Variants in ANO3 observed in about 807,000 individuals in gnomAD.
ANO3 encodes anoctamin 3, also known as anoctamin-3.
ANO3 carries 99 observed loss-of-function variants against 144.8 expected under a neutral mutation model. That is an observed-to-expected ratio of 0.68 (90% CI 0.58 to 0.81). The LOEUF (loss-of-function observed/expected upper bound fraction) is 0.81. ANO3 is among the 30% of genes least tolerant of loss of function. ANO3 has a pLI of 0.00. For synonymous variants in ANO3, 414 were observed against 392.6 expected, an observed-to-expected ratio of 1.05 and a Z score of -0.64; for missense variants, 905 against 1,202.2, an observed-to-expected ratio of 0.75 and a Z score of 3.66.
chr11:26,557,321 C>T (rs996771617), intron 13 of ANO3, among the ~76,000 whole-genome samples: 7 of 151,554 alleles, frequency 4.6e-5, no homozygotes, highest in African/African-American at 7.3e-5. Context: ...ATTAGCCGGG[C>T]GTGGTGGCGG....
intron 1 of ANO3, among the ~76,000 whole-genome samples, chr11:26,213,901 T>C (rs1851984446): frequency 6.6e-6 from 1 of 152,144 alleles, no homozygotes; most frequent in African/African-American, 2.4e-5. Flanking sequence ...TTGCAAATCA[T>C]TGAAGTTTAG....
chr11:26,643,227 T>C lies in ANO3; in HGVS notation c.2321T>C (p.Leu774Pro). 1 of 1,614,218 alleles carries C rather than the reference T, an allele frequency of 6.2e-7. No homozygotes were observed. Among genetic ancestry groups the C allele is most frequent in the Non-Finnish European group, 8.5e-7 (1 of 1,180,014 alleles). ...ACCATCTTTGTTGCGGCTTTTCCTC[T>C]AGCCCCTCTTTTGGCTTTGTTAAAC... Reference protein sequence around the residue: ...FTTIFVAAFPLAPLLALLNNI... With the variant: ...FTTIFVAAFPPAPLLALLNNI... Residue 774 changes from leucine to proline, a missense_variant, in exon 23 of 27, where the codon CTA becomes CCA. This residue lies in a region of ANO3 where 597 missense variants were observed against 865.1 expected (regional missense o/e 0.69). Transcript: ENST00000256737.
At chr11:26,236,421 G>A (rs1234004179) in intron 1 of ANO3, among the ~76,000 whole-genome samples, 1 of 121,534 alleles carries the variant, frequency 8.2e-6, no homozygotes, top group Non-Finnish European at 1.9e-5. Context: ...TGCTTTTTTG[G>A]CCTCCAAACA....
intron 1 of ANO3, among the ~76,000 whole-genome samples, chr11:26,233,846 A>T (rs1273169351): frequency 6.6e-6 from 1 of 152,208 alleles, no homozygotes; most frequent in African/African-American, 2.4e-5. Flanking sequence ...ACAAGAACAG[A>T]AAACCAAACA....
intron 6 of ANO3, among the ~76,000 whole-genome samples, chr11:26,521,985 C>G (rs1862096588): frequency 6.6e-6 from 1 of 152,096 alleles, no homozygotes. Context: ...GAGATGGAGA[C>G]CATCCTGGCT....
intron 23 of ANO3, among the ~76,000 whole-genome samples, chr11:26,647,472 C>A (rs1853383674): frequency 6.6e-6 from 1 of 152,054 alleles, no homozygotes; most frequent in Admixed American, 6.6e-5. Flanking sequence ...CAGACATGAA[C>A]CTAGTCCTAA....
At chr11:26,302,972 C>CAAATCAAAA (rs1186847746) in intron 1 of ANO3, among the ~76,000 whole-genome samples, 9 of 152,092 alleles carry the variant, frequency 5.9e-5, no homozygotes, top group Non-Finnish European at 8.8e-5. Flanking sequence ...CAGAGAAATG[C>CAAATCAAAA]AAATCAAAAC....
At chr11:26,505,185 T>G (rs1268435577) in intron 4 of ANO3, among the ~76,000 whole-genome samples, 1 of 152,058 alleles carries the variant, frequency 6.6e-6, no homozygotes, top group Non-Finnish European at 1.5e-5. Context: ...TTTTGAAAGA[T>G]TTTCTTGATG....
chr11:26,553,961 G>T (rs1427507068), intron 13 of ANO3, among the ~76,000 whole-genome samples: 3 of 152,216 alleles, frequency 2.0e-5, no homozygotes, highest in Admixed American at 2.0e-4. Flanking sequence ...AACATGTAAT[G>T]AAATGTACCT....
At chr11:26,435,932 CTAGTT>C (rs1565023430) in intron 1 of ANO3, among the ~76,000 whole-genome samples, 1 of 152,116 alleles carries the variant, frequency 6.6e-6, no homozygotes. Flanking sequence ...TGTTGGAGAA[CTAGTT>C]TAGTTGTTTG....
intron 1 of ANO3, among the ~76,000 whole-genome samples, chr11:26,299,637 G>T (rs1179602089): frequency 1.3e-5 from 2 of 152,040 alleles, no homozygotes; most frequent in African/African-American, 2.4e-5. Context: ...TGGCATGCTT[G>T]TATGGTGATG....
rs553928648 is a variant in ANO3, at chr11:26,478,857, T to A, written c.432+15709T>A. ...ATGACTACGTGTAGTCATCAGGTAA[T>A]TACTTTGCTTCTGTCTTCAGGCTAT... On this transcript the variant is annotated intron_variant, in intron 4 of 26. Transcript: ENST00000256737. 4.6e-5 allele frequency among the ~76,000 whole-genome samples: 7 copies of A among 152,240 alleles called. No homozygotes were observed. The East Asian group carries it at 1.4e-3, about 29-fold the overall frequency.
chr11:26,431,014 G>T (rs1858070668), intron 1 of ANO3, among the ~76,000 whole-genome samples: 1 of 152,178 alleles, frequency 6.6e-6, no homozygotes, highest in Non-Finnish European at 1.5e-5. Flanking sequence ...TCTCTCTGTG[G>T]CAGTAGAAAT....
intron 17 of ANO3, among the ~76,000 whole-genome samples, chr11:26,619,153 C>A (rs1852342393): frequency 6.6e-6 from 1 of 152,112 alleles, no homozygotes; most frequent in South Asian, 2.1e-4. Flanking sequence ...ATCTTAGCAT[C>A]TTACTGTATG....
rs1009173823 is a variant in ANO3 at position 26,457,230 on chromosome 11, A to T, written c.314-5800A>T. On this transcript the variant is annotated intron_variant, in intron 3 of 26. Transcript: ENST00000256737. ...CCCTAAAACTTAAGGTATAATTAAA[A>T]AAAGAAATAAAAAAAAAACCTGCAC... Among the ~76,000 whole-genome samples, 18 of 27,204 alleles carry T rather than the reference A, an allele frequency of 6.6e-4. No homozygotes were observed. The East Asian group carries it at 0.053, about 80-fold the overall frequency. The allele number at this position is 27,204 out of a possible 152,430, so 17.8% of individuals were successfully genotyped here.
At chr11:26,495,074 CATTTATTTATTTATTTATTTATTT>C (rs56862775) in intron 4 of ANO3, among the ~76,000 whole-genome samples, 9 of 143,456 alleles carry the variant, frequency 6.3e-5, no homozygotes, top group South Asian at 2.3e-4. Context: ...TAAATATCTA[CATTTATTTATTTATTTATTTATTT>C]ATTTATTTAT....
chr11:26,318,230 A>G (rs562321744), intron 1 of ANO3, among the ~76,000 whole-genome samples: 20 of 152,310 alleles, frequency 1.3e-4, no homozygotes, highest in African/African-American at 3.6e-4. Context: ...CATGTTCTGC[A>G]CATGTACCCC....
intron 1 of ANO3, among the ~76,000 whole-genome samples, chr11:26,366,941 G>C (rs1205116903): frequency 6.6e-6 from 1 of 151,960 alleles, no homozygotes; most frequent in Non-Finnish European, 1.5e-5. Flanking sequence ...AGAGCCCTCA[G>C]AAATAATACC....
At chr11:26,451,548 TA>T (rs1858940567) in intron 3 of ANO3, among the ~76,000 whole-genome samples, 1 of 152,164 alleles carries the variant, frequency 6.6e-6, no homozygotes, top group South Asian at 2.1e-4. Context: ...CGCCCGCCAT[TA>T]CTCAGGCTTG....
Sources: allele counts gnomAD v4.1 joint callset (sites outside exome capture counted in the v4.1 genomes callset), GRCh38; gene constraint gnomAD v4.1.1; regional missense constraint gnomAD v4.1.1; transcripts MANE v1.5; gene names NCBI Gene and HGNC (gene_info 2026-07-23, HGNC 2026-07-21).